KCNMA1: variants seen among roughly 807,000 people sequenced by gnomAD.
The protein encoded by KCNMA1 is potassium calcium-activated channel subfamily M alpha 1.
KCNMA1 carries 29 observed loss-of-function variants against 140.0 expected under a neutral mutation model. The ratio of observed to expected loss-of-function variants is 0.21; its 90% CI spans 0.15 to 0.28. KCNMA1 has a LOEUF of 0.28. Ranked by LOEUF, KCNMA1 falls within the 10% of genes least tolerant of loss-of-function variation. The pLI is 1.00. For synonymous variants in KCNMA1, 612 were observed against 611.9 expected (o/e 1.00, Z 0.00); for missense variants, 880 against 1,602.2 (o/e 0.55, Z 7.70).
At chr10:77,106,762 C>T (rs978729558) in intron 9 of KCNMA1, among the ~76,000 whole-genome samples, 2 of 152,158 alleles carry the variant, frequency 1.3e-5, no homozygotes, top group African/African-American at 4.8e-5. Flanking sequence ...CTGTTTTCCT[C>T]TTGGCATGGG....
chr10:77,621,010 T>C (rs950190951), intron 1 of KCNMA1, among the ~76,000 whole-genome samples: 2 of 152,210 alleles, frequency 1.3e-5, no homozygotes, highest in Non-Finnish European at 2.9e-5. Flanking sequence ...AGGCCAGCCA[T>C]GCTAATAAAG....
chr10:77,618,009 T>A (rs570665992), intron 1 of KCNMA1, among the ~76,000 whole-genome samples: 5 of 152,286 alleles, frequency 3.3e-5, no homozygotes, highest in African/African-American at 1.2e-4. Flanking sequence ...TTCTGGCCAA[T>A]GAACTGTGTG....
At chr10:77,104,712 T>C (rs1351326759) in intron 9 of KCNMA1, among the ~76,000 whole-genome samples, 2 of 152,230 alleles carry the variant, frequency 1.3e-5, no homozygotes, top group Non-Finnish European at 2.9e-5. Context: ...TTATTTTCCA[T>C]GGCCCTTGGC....
downstream of KCNMA1, among the ~76,000 whole-genome samples, chr10:76,880,792 A>G (rs2034327969): frequency 6.6e-6 from 1 of 152,242 alleles, no homozygotes; most frequent in African/African-American, 2.4e-5. Context: ...GATAAATCCA[A>G]ATCCCTGACT....
At position 77,014,847 on chromosome 10, in the gene KCNMA1, C is replaced by A. The variant is rs946467621; in HGVS notation, c.2016-2804G>T. 4.6e-5 allele frequency among the ~76,000 whole-genome samples: 7 copies of A among 152,284 alleles called. No homozygotes were observed. The South Asian group carries it at 1.2e-3, about 27-fold the overall frequency. On this transcript the variant is annotated intron_variant, in intron 17 of 27. Transcript: ENST00000286628. The stretch of plus-strand genomic sequence containing the variant: ...ATTTCTTTGCAAGAATCATTCTCTT[C>A]CCCACCCATCTTTGCCTCTGTCATG...
At chr10:77,508,476 C>A (rs1309968106) in intron 1 of KCNMA1, among the ~76,000 whole-genome samples, 1 of 151,970 alleles carries the variant, frequency 6.6e-6, no homozygotes, top group African/African-American at 2.4e-5. Context: ...CGAGTCCCCC[C>A]ACTCAGCCTG....
At chr10:77,151,361 AG>A (rs10716625) in intron 5 of KCNMA1, among the ~76,000 whole-genome samples, 152,203 of 152,204 alleles carry the variant, frequency 1, 76,101 homozygotes, top group Middle Eastern at 1. Flanking sequence ...CCAAGTAGCT[AG>A]GGACTCAGGT....
intron 1 of KCNMA1, among the ~76,000 whole-genome samples, chr10:77,537,440 A>G (rs2059158060): frequency 6.6e-6 from 1 of 152,128 alleles, no homozygotes; most frequent in African/African-American, 2.4e-5. Flanking sequence ...TCCCCAAACC[A>G]TGGACAAATG....
At chr10:77,260,016 G>A (rs1600337904) in intron 2 of KCNMA1, among the ~76,000 whole-genome samples, 1 of 152,206 alleles carries the variant, frequency 6.6e-6, no homozygotes, top group Non-Finnish European at 1.5e-5. Context: ...AGAGAGGTGG[G>A]AGAAACATGG....
chr10:77,622,790 T>TC (rs1339451438), intron 1 of KCNMA1, among the ~76,000 whole-genome samples: 1 of 152,154 alleles, frequency 6.6e-6, no homozygotes, highest in East Asian at 1.9e-4. Context: ...TGATTTTTTT[T>TC]CCCCTAAGAA....
At chr10:76,965,005 C>G (rs954352656) in intron 20 of KCNMA1, among the ~76,000 whole-genome samples, 1 of 152,176 alleles carries the variant, frequency 6.6e-6, no homozygotes, top group Non-Finnish European at 1.5e-5. Context: ...CCTGATACAT[C>G]CTATGTAAAT....
rs763783104 is a variant in KCNMA1, at chr10:76,928,289, G to GCACA, written c.2903-13244_2903-13241dup. The stretch of plus-strand genomic sequence containing the variant: ...CACACACACACACGAACACGCGCGC[G>GCACA]CACACACACACACACACACACGCAC... On this transcript the variant is annotated intron_variant, in intron 23 of 27. Transcript: ENST00000286628. 4.5e-3 allele frequency among the ~76,000 whole-genome samples: 333 copies of GCACA among 73,380 alleles called. 1 individual carries two copies. Among genetic ancestry groups the GCACA allele is most frequent in the African/African-American group, 0.011 (299 of 26,776 alleles). The allele number at this position is 73,380 out of a possible 152,430, so 48.1% of individuals were successfully genotyped here.
At chr10:77,608,199 G>T (rs569764047) in intron 1 of KCNMA1, among the ~76,000 whole-genome samples, 2 of 151,808 alleles carry the variant, frequency 1.3e-5, no homozygotes, top group South Asian at 2.1e-4. Flanking sequence ...TGGAGACAGG[G>T]TCTCACTCTG....
chr10:77,635,923 C>T (rs2093681183), intron 1 of KCNMA1: 2 of 162,034 alleles, frequency 1.2e-5, no homozygotes, highest in Admixed American at 1.2e-4. Flanking sequence ...AGACAGGCTC[C>T]TTCCCCCCTG....
At chr10:77,309,546 G>C (rs2078710456) in intron 2 of KCNMA1, 1 of 152,256 alleles carries the variant, frequency 6.6e-6, no homozygotes, top group African/African-American at 2.4e-5. Flanking sequence ...GTTAGTGCTA[G>C]GGTGGGATCC....
intron 1 of KCNMA1, among the ~76,000 whole-genome samples, chr10:77,592,130 C>T (rs1024173205): frequency 6.6e-6 from 1 of 152,064 alleles, no homozygotes; most frequent in Admixed American, 6.6e-5. Context: ...GCAGGAGAGA[C>T]CCAATCAATA....
chr10:76,955,159 C>A (rs2067720970), intron 20 of KCNMA1, among the ~76,000 whole-genome samples: 1 of 149,934 alleles, frequency 6.7e-6, no homozygotes, highest in African/African-American at 2.4e-5. Flanking sequence ...TTTTGAAATT[C>A]TATATTTCAA....
At chr10:77,510,741 C>G (rs975003318) in intron 1 of KCNMA1, among the ~76,000 whole-genome samples, 1 of 152,010 alleles carries the variant, frequency 6.6e-6, no homozygotes, top group East Asian at 1.9e-4. Flanking sequence ...AAGGCTGCAG[C>G]GAGCTATGAC....
At chr10:77,089,123 G>A (rs1396113385) in intron 10 of KCNMA1, among the ~76,000 whole-genome samples, 1 of 152,190 alleles carries the variant, frequency 6.6e-6, no homozygotes, top group African/African-American at 2.4e-5. Context: ...TGCTAACATA[G>A]CCTGGTCTGT....
Sources: allele counts gnomAD v4.1 joint callset (sites outside exome capture counted in the v4.1 genomes callset), GRCh38; gene constraint gnomAD v4.1.1; transcripts MANE v1.5; gene names NCBI Gene and HGNC (gene_info 2026-07-23, HGNC 2026-07-21).